Variants in UGGT2 observed in about 807,000 individuals in gnomAD.
UGGT2 encodes UDP-glucose:glycoprotein glucosyltransferase 2.
In UGGT2, 180 loss-of-function variants were observed where a neutral mutation model predicts 192.1. That is an observed-to-expected ratio of 0.94 (90% CI 0.83 to 1.06). The LOEUF (loss-of-function observed/expected upper bound fraction) is 1.06, where lower values mean the gene tolerates loss of function less well. UGGT2 is among the 50% of genes least tolerant of loss of function. The probability of loss-of-function intolerance (pLI) is 0.00; values close to 1 mark genes in which losing one functional copy is unlikely to be tolerated. For synonymous variants in UGGT2, 580 were observed against 591.0 expected, an observed-to-expected ratio of 0.98 and a Z score of 0.27; for missense variants, 1,849 against 1,795.7, an observed-to-expected ratio of 1.03 and a Z score of -0.54.
chr13:96,023,744 T>C lies in UGGT2; in HGVS notation c.257A>G (p.Tyr86Cys), dbSNP rs751740906. Residue 86 changes from tyrosine to cysteine, a missense_variant, in exon 3 of 39, where the codon TAT becomes TGT. Physicochemically the swap from Tyr to Cys is radical, Grantham distance 194. Coordinates refer to ENST00000376747, the MANE Select transcript of UGGT2 (RefSeq NM_020121.4). ...IYKQTESDYS[Y>C]YNLILKKAGQ... ...AGCTTTCTTCAGGATTAAGTTGTAA[T>C]AAGAATAATCTGATTCTATAAAAAG... 1 of 1,601,060 alleles carries C rather than the reference T, an allele frequency of 6.2e-7. No individual in the cohort carries two copies. The highest frequency in any genetic ancestry group is 8.5e-7 in the Non-Finnish European group (1 of 1,171,632).
At chr13:95,897,397 A>G (rs1445272431) in intron 22 of UGGT2, among the ~76,000 whole-genome samples, 1 of 152,194 alleles carries the variant, frequency 6.6e-6, no homozygotes. Context: ...AAATATTATT[A>G]TAACAATGGC....
intron 20 of UGGT2, among the ~76,000 whole-genome samples, chr13:95,904,302 T>C (rs1353158246): frequency 2.0e-5 from 3 of 152,082 alleles, no homozygotes; most frequent in Non-Finnish European, 4.4e-5. Context: ...TATCTTTTTT[T>C]TATTATTAAA....
chr13:95,908,699 G>A (rs1229894813), intron 20 of UGGT2, among the ~76,000 whole-genome samples: 3 of 145,460 alleles, frequency 2.1e-5, no homozygotes, highest in Non-Finnish European at 3.0e-5. Flanking sequence ...GATGGCCAGT[G>A]ATGATGAGCA....
chr13:96,037,488 C>T (rs954137823), intron 1 of UGGT2, among the ~76,000 whole-genome samples: 11 of 152,216 alleles, frequency 7.2e-5, no homozygotes, highest in Non-Finnish European at 1.5e-4. Flanking sequence ...TGAGCCACTG[C>T]GCTTGGCCGC....
At chr13:95,842,456 A>C (rs1221108916) in intron 36 of UGGT2, among the ~76,000 whole-genome samples, 1 of 152,134 alleles carries the variant, frequency 6.6e-6, no homozygotes, top group African/African-American at 2.4e-5. Context: ...AATATACCAT[A>C]TCTTTTTATC....
At chr13:96,023,213 C>T in intron 3 of UGGT2, 61 bp from the exon 4 acceptor site, 2 of 1,368,456 alleles carry the variant, frequency 1.5e-6, no homozygotes. Context: ...GATTTTAAAA[C>T]CCTCACACAT....
rs2051610824 is a variant in UGGT2, at chr13:95,996,118, C to T, written c.775G>A (p.Val259Ile). ...TCATTTGTTTCAGTCTCATCCTCTA[C>T]AGTAGTATTAGTCACAGCTACATTT... Reference protein sequence around the residue: ...TQVKTVTNTTVEDETETNEVQ... With the variant: ...TQVKTVTNTTIEDETETNEVQ... Residue 259 changes from valine (V) to isoleucine (I), a missense_variant, in exon 7 of 39, where the codon GTA (valine) becomes ATA (isoleucine). By Grantham distance (29) the Val-to-Ile change is conservative. Coordinates refer to ENST00000376747, the MANE Select transcript of UGGT2 (RefSeq NM_020121.4). 3 of 1,612,874 alleles carry T rather than the reference C, an allele frequency of 1.9e-6. No individual in the cohort carries two copies. The highest frequency in any genetic ancestry group is 2.5e-6 in the Non-Finnish European group (3 of 1,179,628).
At chr13:95,924,181 T>G (rs149577870) in intron 20 of UGGT2, among the ~76,000 whole-genome samples, 1,968 of 152,246 alleles carry the variant, frequency 0.013, 41 homozygotes, top group African/African-American at 0.046. Context: ...TCATCCATCC[T>G]ATAAGGAATA....
In UGGT2 at chr13:96,015,937, T is replaced by C. The variant is rs141046577; in HGVS notation, c.486-2456A>G. On this transcript the variant is annotated intron_variant, in intron 4 of 38. Coordinates refer to ENST00000376747, the MANE Select transcript of UGGT2 (RefSeq NM_020121.4). ...ATATTTTTCAGCATCTACTACATGG[T>C]AGGTGAACTTTTTGGGAACTGGAGT... is the stretch of plus-strand genomic sequence containing the variant. Among the ~76,000 whole-genome samples the C allele has an allele frequency of 4.7e-3, 711 of 152,316 alleles. 5 individuals carry two copies. The highest frequency in any genetic ancestry group is 0.017 in the African/African-American group (686 of 41,564).
chr13:95,962,184 C>T (rs1026727627), intron 12 of UGGT2, among the ~76,000 whole-genome samples: 1 of 151,686 alleles, frequency 6.6e-6, no homozygotes, highest in Non-Finnish European at 1.5e-5. Context: ...AATAGAAAAG[C>T]AAGAACAAAC....
At chr13:95,871,775 C>T (rs1257600974) in intron 29 of UGGT2, among the ~76,000 whole-genome samples, 1 of 152,106 alleles carries the variant, frequency 6.6e-6, no homozygotes, top group African/African-American at 2.4e-5. Context: ...GCCAATATGG[C>T]AACCAGGAGG....
At chr13:95,985,244 T>C in intron 9 of UGGT2, 2 of 1,231,534 alleles carry the variant, frequency 1.6e-6, no homozygotes, top group African/African-American at 1.6e-5. Context: ...CACACCCATA[T>C]ATATTTCATG....
intron 12 of UGGT2, among the ~76,000 whole-genome samples, chr13:95,956,712 T>C (rs1326837003): frequency 5.9e-5 from 9 of 152,200 alleles, no homozygotes; most frequent in Non-Finnish European, 1.0e-4. Context: ...TGGGAACACT[T>C]GTGAACTGAC....
intron 17 of UGGT2, among the ~76,000 whole-genome samples, chr13:95,935,725 T>G (rs1193667258): frequency 6.6e-6 from 1 of 152,228 alleles, no homozygotes; most frequent in Non-Finnish European, 1.5e-5. Context: ...AAATATGTTT[T>G]CCTGGTTGTT....
intron 5 of UGGT2, among the ~76,000 whole-genome samples, chr13:96,001,115 C>T (rs1381324770): frequency 6.6e-6 from 1 of 152,164 alleles, no homozygotes; most frequent in African/African-American, 2.4e-5. Context: ...TGAGCCCAAA[C>T]CCAAGCCAAG....
intron 1 of UGGT2, among the ~76,000 whole-genome samples, chr13:96,036,700 T>C (rs2053013417): frequency 1.3e-5 from 2 of 152,218 alleles, no homozygotes; most frequent in Non-Finnish European, 2.9e-5. Flanking sequence ...GCAAACATCC[T>C]TGAGACCATC....
intron 1 of UGGT2, among the ~76,000 whole-genome samples, chr13:96,040,561 C>A (rs1213753246): frequency 6.6e-6 from 1 of 152,040 alleles, no homozygotes; most frequent in African/African-American, 2.4e-5. Flanking sequence ...TTTTTGAGGC[C>A]AGCATTCAAC....
chr13:95,927,407 A>C, intron 17 of UGGT2, 71 bp from the exon 18 acceptor site: 1 of 1,301,460 alleles, frequency 7.7e-7, no homozygotes, highest in East Asian at 2.5e-5. Flanking sequence ...TATGCAGATA[A>C]CACAAAGATT....
intron 16 of UGGT2, among the ~76,000 whole-genome samples, chr13:95,937,320 A>C (rs151203682): frequency 1.9e-4 from 29 of 152,282 alleles, no homozygotes; most frequent in African/African-American, 6.5e-4. Context: ...TTTGTGAGCC[A>C]CTCAGTTTCT....
Sources: gnomAD v4.1 joint callset for allele counts (sites outside exome capture counted in the v4.1 genomes callset) on GRCh38, gnomAD v4.1.1 for gene constraint, MANE v1.5 for transcripts, NCBI Gene and HGNC (gene_info 2026-07-23, HGNC 2026-07-21) for gene names.